The following STXBP5 variants were observed in gnomAD, a reference collection of about 807,000 sequenced individuals.
STXBP5 encodes the protein syntaxin binding protein 5.
In STXBP5, 50 loss-of-function variants were observed where a neutral mutation model predicts 152.4. The observed-to-expected ratio is 0.33, with a 90% CI of 0.26 to 0.42. The LOEUF is 0.42. Ranked by LOEUF, STXBP5 falls within the 10% of genes least tolerant of loss-of-function variation. The pLI, the probability that STXBP5 is intolerant of heterozygous loss-of-function variation, is 1.00. For missense variants in STXBP5, 1,167 were observed against 1,388.6 expected, an observed-to-expected ratio of 0.84 and a Z score of 2.54; for synonymous variants, 492 against 494.7, an observed-to-expected ratio of 0.99 and a Z score of 0.07.
chr6:147,207,713 G>C (rs546130737), intron 2 of STXBP5, among the ~76,000 whole-genome samples: 47 of 152,130 alleles, frequency 3.1e-4, no homozygotes, highest in Non-Finnish European at 4.9e-4. Flanking sequence ...AACTGGACTA[G>C]AAGAAGGAAA....
At chr6:147,266,049 G>A (rs1165525307) in intron 6 of STXBP5, among the ~76,000 whole-genome samples, 4 of 151,988 alleles carry the variant, frequency 2.6e-5, no homozygotes, top group Non-Finnish European at 5.9e-5. Context: ...CAGGCAAAAA[G>A]GATGACATTC....
At chr6:147,319,581 A>G (rs966326067) in intron 16 of STXBP5, among the ~76,000 whole-genome samples, 2 of 152,148 alleles carry the variant, frequency 1.3e-5, no homozygotes, top group Non-Finnish European at 2.9e-5. Context: ...GTATAATAAA[A>G]CTTTATAAAT....
intron 4 of STXBP5, among the ~76,000 whole-genome samples, chr6:147,243,170 C>A (rs1778634714): frequency 6.6e-6 from 1 of 152,100 alleles, no homozygotes; most frequent in African/African-American, 2.4e-5. Flanking sequence ...GCCAAGCTGT[C>A]TTCCTTAATG....
At chr6:147,239,522 T>G (rs1480374951) in intron 4 of STXBP5, among the ~76,000 whole-genome samples, 14 of 152,258 alleles carry the variant, frequency 9.2e-5, no homozygotes, top group Non-Finnish European at 1.9e-4. Context: ...AAAAAATCTC[T>G]GTATAGCTCC....
chr6:147,316,834 C>T (rs1347780007), intron 16 of STXBP5, among the ~76,000 whole-genome samples: 1 of 152,090 alleles, frequency 6.6e-6, no homozygotes, highest in Non-Finnish European at 1.5e-5. Context: ...ACTAGCACCA[C>T]CGTATCTTTA....
chr6:147,235,428 T>G, intron 3 of STXBP5, 97 bp downstream of exon 3: 1 of 955,216 alleles, frequency 1.0e-6, no homozygotes, highest in Non-Finnish European at 1.6e-6. Context: ...TATTTACATA[T>G]TTGAACAAAA....
At position 147,382,955 on chromosome 6, in the gene STXBP5, C is replaced by T; in HGVS notation, c.3371C>T (p.Ala1124Val). The T allele has an allele frequency of 6.2e-7, 1 of 1,613,416 alleles. No individual in the cohort carries two copies. Among genetic ancestry groups the T allele is most frequent in the Non-Finnish European group, 8.5e-7 (1 of 1,179,630 alleles). ...GGCGATCTGGAAGAAAGAACTGCGGCCATGTTATCAAGTGCAGAGTCATTT... is the reference window on the plus strand; with the variant it reads ...GGCGATCTGGAAGAAAGAACTGCGGTCATGTTATCAAGTGCAGAGTCATTT... ...KLGDLEERTA[A>V]MLSSAESFSK... The change falls in exon 27 of 28, where the codon GCC becomes GTC. Residue 1124 changes from alanine to valine, a missense_variant. This residue lies in a region of STXBP5 where 833 missense variants were observed against 986.3 expected (regional missense o/e 0.84). Coordinates refer to ENST00000321680, the MANE Select transcript of STXBP5 (RefSeq NM_001127715.4).
intron 9 of STXBP5, among the ~76,000 whole-genome samples, chr6:147,309,510 T>A (rs1482338633): frequency 1.3e-5 from 2 of 152,150 alleles, no homozygotes; most frequent in Non-Finnish European, 2.9e-5. Flanking sequence ...GTTATGGGGC[T>A]AATTAGAATT....
intron 4 of STXBP5, among the ~76,000 whole-genome samples, chr6:147,251,647 G>A (rs1177330427): frequency 2.6e-5 from 4 of 152,214 alleles, no homozygotes; most frequent in Admixed American, 6.5e-5. Context: ...GGAGAAAGGG[G>A]CAGCTGTGGG....
At chr6:147,329,247 ATTATAT>A (rs1476948155) in intron 18 of STXBP5, among the ~76,000 whole-genome samples, 2 of 148,224 alleles carry the variant, frequency 1.3e-5, no homozygotes. Flanking sequence ...TTATTTTTAT[ATTATAT>A]TTATATTATT....
chr6:147,334,772 A>G (rs573478844), intron 19 of STXBP5, among the ~76,000 whole-genome samples: 1 of 152,010 alleles, frequency 6.6e-6, no homozygotes, highest in East Asian at 1.9e-4. Flanking sequence ...ATCTTTGGAG[A>G]CCTCTTAAAA....
At chr6:147,273,570 T>C in intron 7 of STXBP5, among the ~76,000 whole-genome samples, 1 of 152,174 alleles carries the variant, frequency 6.6e-6, no homozygotes, top group Non-Finnish European at 1.5e-5. Context: ...ATCAGAAATA[T>C]TGGTAGTAAA....
chr6:147,260,833 T>C lies in STXBP5; in HGVS notation c.566+84T>C, dbSNP rs1208948723. 5.5e-6 allele frequency: 8 copies of C among 1,453,878 alleles called. No homozygotes were observed. In the South Asian group the frequency reaches 1.1e-4, roughly 20 times the overall value. 90.1% of individuals were successfully genotyped at this position (1,453,878 alleles called of 1,614,324 possible). On this transcript the variant is annotated intron_variant, in intron 5 of 27. Coordinates refer to ENST00000321680, the MANE Select transcript of STXBP5 (RefSeq NM_001127715.4). ...TTACATCATAGCCAATCAGTAAATC[T>C]GTATGGAATTAAATATGTGACAGAT...
At chr6:147,362,037 T>C (rs1785088336) in intron 23 of STXBP5, among the ~76,000 whole-genome samples, 1 of 152,172 alleles carries the variant, frequency 6.6e-6, no homozygotes, top group Admixed American at 6.5e-5. Flanking sequence ...AAATTTTAAT[T>C]GATATAACAA....
At position 147,315,641 on chromosome 6, in the gene STXBP5, G is replaced by A; in HGVS notation, c.1529G>A (p.Cys510Tyr). Residue 510 changes from cysteine (C) to tyrosine (Y), a missense_variant, in exon 15 of 28, where the codon TGT becomes TAT. Physicochemically the swap from Cys to Tyr is radical, Grantham distance 194. This residue lies in a region of STXBP5 where 833 missense variants were observed against 986.3 expected (regional missense o/e 0.84). Transcript: ENST00000321680. ...DPYAIQIISW[C>Y]PESRMLCIAG... ...TATGCCATTCAGATCATCTCCTGGT[G>A]TCCAGAAAGTAGAATGCTGTGCATC... 2 of 1,613,934 alleles carry A rather than the reference G, an allele frequency of 1.2e-6. No homozygotes were observed. The highest frequency in any genetic ancestry group is 1.7e-6 in the Non-Finnish European group (2 of 1,179,910).
intron 9 of STXBP5, among the ~76,000 whole-genome samples, chr6:147,298,560 TGAG>T (rs1231107779): frequency 5.9e-5 from 9 of 152,160 alleles, no homozygotes; most frequent in Admixed American, 3.3e-4. Flanking sequence ...GGAACATTCT[TGAG>T]GAGAGATCAT....
chr6:147,340,988 T>G (rs1440290662), intron 21 of STXBP5, among the ~76,000 whole-genome samples: 20 of 152,170 alleles, frequency 1.3e-4, no homozygotes, highest in Non-Finnish European at 1.5e-5. Flanking sequence ...ATTCAGCTTT[T>G]CAAAATTTTG....
chr6:147,282,231 A>G (rs948617626), intron 8 of STXBP5, among the ~76,000 whole-genome samples: 10 of 152,232 alleles, frequency 6.6e-5, no homozygotes, highest in African/African-American at 2.2e-4. Flanking sequence ...TTTGGTGGAA[A>G]AGGTATGTCA....
At chr6:147,343,763 TTA>T (rs1440267409) in intron 21 of STXBP5, among the ~76,000 whole-genome samples, 1 of 152,204 alleles carries the variant, frequency 6.6e-6, no homozygotes, top group Non-Finnish European at 1.5e-5. Flanking sequence ...AAGTCGTATT[TTA>T]AGTTATCAAA....
Sources: gnomAD v4.1 joint callset for allele counts (sites outside exome capture counted in the v4.1 genomes callset) on GRCh38, gnomAD v4.1.1 for gene constraint, gnomAD v4.1.1 regional missense constraint, MANE v1.5 for transcripts, NCBI Gene and HGNC (gene_info 2026-07-23, HGNC 2026-07-21) for gene names.